The following CIITA variants were observed in gnomAD, a reference collection of about 807,000 sequenced individuals.
CIITA encodes class II major histocompatibility complex transactivator, also known as MHC class II transactivator.
CIITA carries 72 observed loss-of-function variants against 115.1 expected under a neutral mutation model. The observed-to-expected ratio is 0.63, with a 90% CI of 0.52 to 0.76. The LOEUF (loss-of-function observed/expected upper bound fraction) is 0.76, where lower values mean the gene tolerates loss of function less well. Among genes scored for constraint, CIITA ranks in the 30% least tolerant of loss-of-function variants. The probability of loss-of-function intolerance (pLI) is 0.00; values close to 1 mark genes in which losing one functional copy is unlikely to be tolerated. For synonymous variants in CIITA, 763 were observed against 635.6 expected (o/e 1.20, Z -3.02); for missense variants, 1,617 against 1,463.8 (o/e 1.10, Z -1.71).
intron 15 of CIITA, chr16:10,917,044 A>G: frequency 4.4e-6 from 1 of 229,296 alleles, no homozygotes. Flanking sequence ...AGAAAATTAT[A>G]CTGGGGGGTG....
chr16:10,941,482 GA>G lies in CIITA; in HGVS notation n.609del. 7.8e-7 allele frequency: 1 copy of G among 1,281,846 alleles called. No homozygotes were observed. Among genetic ancestry groups the G allele is most frequent in the Non-Finnish European group, 1.0e-6 (1 of 989,960 alleles). The allele number at this position is 1,281,846 out of a possible 1,614,324, so 79.4% of individuals were successfully genotyped here. ...AGGTGAACGGAGGAGAAGCCTGAGGGAGGGGTGTGTATCCGGCCTGGGAATT... is the reference window on the plus strand; with the variant it reads ...AGGTGAACGGAGGAGAAGCCTGAGGGGGGGTGTGTATCCGGCCTGGGAATT... On this transcript the variant is annotated non_coding_transcript_exon_variant, in exon 2 of 2. Transcript: ENST00000573379. This position sits in a 1 kb window ranked among gnomAD's most constrained non-coding sequence, Gnocchi z 6.4.
chr16:10,908,031 G>A lies in CIITA; in HGVS notation c.2539G>A (p.Val847Ile), dbSNP rs181710482. The A allele has an allele frequency of 5.0e-6, 8 of 1,612,332 alleles. No individual in the cohort carries two copies. Among genetic ancestry groups the A allele is most frequent in the Non-Finnish European group, 6.8e-6 (8 of 1,178,728 alleles). Reference sequence around the variant, plus strand: ...CCGCCTCACGCCTCCTGATGCACATGTACTGGGCAAGGCCTTGGAGGCGGC... The same window carrying A: ...CCGCCTCACGCCTCCTGATGCACATATACTGGGCAAGGCCTTGGAGGCGGC... ...GTRLTPPDAH[V>I]LGKALEAAGQ... The change falls in exon 11 of 20, where the codon GTA becomes ATA. Residue 847 changes from valine (V) to isoleucine (I), a missense_variant. Transcript: ENST00000324288.
chr16:10,883,112 T>C (rs1477871398), intron 1 of CIITA, among the ~76,000 whole-genome samples: 1 of 151,718 alleles, frequency 6.6e-6, no homozygotes, highest in Non-Finnish European at 1.5e-5. Context: ...CCCAGCAGAG[T>C]GCTGGCGGGG....
intron 1 of CIITA, among the ~76,000 whole-genome samples, chr16:10,885,915 C>G (rs1191177323): frequency 6.6e-6 from 1 of 152,160 alleles, no homozygotes; most frequent in Non-Finnish European, 1.5e-5. Context: ...CAGTGCAGCC[C>G]AGGTCATGGT....
At chr16:10,877,555 C>G (rs1021459974) in intron 1 of CIITA, among the ~76,000 whole-genome samples, 173 bp downstream of exon 1, 1 of 152,196 alleles carries the variant, frequency 6.6e-6, no homozygotes, top group Non-Finnish European at 1.5e-5. Context: ...CTATTTCCTT[C>G]CACCGGAGGG....
At chr16:10,875,437 T>C (rs2035764720), upstream of CIITA, among the ~76,000 whole-genome samples, 1 of 152,120 alleles carries the variant, frequency 6.6e-6, no homozygotes. Context: ...CATCCTCATT[T>C]CACACATGGG....
chr16:10,881,836 C>T (rs1268903074), intron 1 of CIITA, among the ~76,000 whole-genome samples: 1 of 152,148 alleles, frequency 6.6e-6, no homozygotes, highest in Admixed American at 6.5e-5. Context: ...TCCCCACTGC[C>T]CCTTCCACCC....
intron 1 of CIITA, among the ~76,000 whole-genome samples, chr16:10,882,600 G>A (rs2036538265): frequency 6.6e-6 from 1 of 151,834 alleles, no homozygotes; most frequent in Non-Finnish European, 1.5e-5. Context: ...ATAAATTTTT[G>A]AAAATACAGA....
In CIITA at chr16:10,907,200, T is replaced by C. The variant is rs759705626; in HGVS notation, c.1708T>C (p.Ser570Pro). ...CGCCCTATTTGAGCTGTCCGGCTTC[T>C]CCATGGAGCAGGCCCAGGCATACGT... ...ADALFELSGF[S>P]MEQAQAYVMR... is the part of the protein sequence containing the mutation. Residue 570 changes from serine to proline, a missense_variant, in exon 11 of 20, where the codon TCC (serine) becomes CCC (proline). By Grantham distance (74) the Ser-to-Pro change is moderately conservative (BLOSUM62 -1). Coordinates refer to ENST00000324288, the MANE Select transcript of CIITA (RefSeq NM_000246.4). The surrounding 1 kb of genome is among the most constrained non-coding windows in gnomAD (Gnocchi z 5.0). 2 of 1,613,156 alleles carry C rather than the reference T, an allele frequency of 1.2e-6. No individual in the cohort carries two copies. The highest frequency in any genetic ancestry group is 1.7e-6 in the Non-Finnish European group (2 of 1,179,882).
exon 1 of CIITA, chr16:10,866,309 TC>T (rs1475975140): frequency 1.8e-6 from 1 of 568,576 alleles, no homozygotes; most frequent in African/African-American, 1.9e-5. Context: ...TTCCAGGCCA[TC>T]CTGACTCAGG....
chr16:10,923,290 T>C lies in CIITA; in HGVS notation c.3380T>C (p.Ile1127Thr). The C allele has an allele frequency of 1.9e-6, 3 of 1,584,984 alleles. No homozygotes were observed. Among genetic ancestry groups the C allele is most frequent in the Non-Finnish European group, 2.6e-6 (3 of 1,163,912 alleles). Residue 1127 changes from isoleucine to threonine, a missense_variant, in exon 19 of 20, where the codon ATC becomes ACC. Ile to Thr is a moderately conservative substitution (Grantham distance 89). Coordinates refer to ENST00000324288, the MANE Select transcript of CIITA (RefSeq NM_000246.4). This position sits in a 1 kb window ranked among gnomAD's most constrained non-coding sequence, Gnocchi z 5.2. ...CACCTGCAACAACAGGATTCACGGA[T>C]CAGCCTGAGATGATCCCAGCTGTGC... ...QEHLQQQDSR[I>T]SLR
At chr16:10,921,119 C>T (rs965960873) in intron 16 of CIITA, among the ~76,000 whole-genome samples, 1 of 152,204 alleles carries the variant, frequency 6.6e-6, no homozygotes, top group African/African-American at 2.4e-5. Flanking sequence ...CCACCCGCCT[C>T]GGCCTCCAAA....
chr16:10,916,660 G>A, intron 15 of CIITA: 1 of 607,174 alleles, frequency 1.6e-6, no homozygotes, highest in Non-Finnish European at 3.0e-6. Flanking sequence ...CAAAGTGCTG[G>A]GATTATAGGT....
At chr16:10,878,769 T>G (rs1376408544) in intron 1 of CIITA, among the ~76,000 whole-genome samples, 1 of 152,136 alleles carries the variant, frequency 6.6e-6, no homozygotes, top group Non-Finnish European at 1.5e-5. Flanking sequence ...CTGGCCACTG[T>G]GAGGAACCGA....
At chr16:10,909,891 C>T (rs548591574) in intron 12 of CIITA, among the ~76,000 whole-genome samples, 1 of 152,156 alleles carries the variant, frequency 6.6e-6, no homozygotes, top group Non-Finnish European at 1.5e-5. Flanking sequence ...CACGTCATCA[C>T]ACCGGATGAT....
Position 10,901,527 on chromosome 16 carries a change from G to T in CIITA, c.450G>T (p.Glu150Asp), listed in dbSNP as rs763218055. 1.2e-6 allele frequency: 2 copies of T among 1,614,116 alleles called. No individual in the cohort carries two copies. Among genetic ancestry groups the T allele is most frequent in the Non-Finnish European group, 1.7e-6 (2 of 1,180,028 alleles). Residue 150 changes from glutamate (E) to aspartate (D), a missense_variant, in exon 6 of 20, where the codon GAG becomes GAT. Physicochemically the swap from Glu to Asp is conservative, Grantham distance 45. Coordinates refer to ENST00000324288, the MANE Select transcript of CIITA (RefSeq NM_000246.4). The surrounding 1 kb of genome is among the most constrained non-coding windows in gnomAD (Gnocchi z 6.8). Reference sequence around the variant, plus strand: ...TTTTCTCTGCAGCCTTCCCAGAGGAGCTTCCGGCAGACCTGAAGCACTGGA... The same window carrying T: ...TTTTCTCTGCAGCCTTCCCAGAGGATCTTCCGGCAGACCTGAAGCACTGGA... Reference protein sequence around the residue: ...QKSQKRPFPEELPADLKHWKP... With the variant: ...QKSQKRPFPEDLPADLKHWKP...
rs897560562 is a variant in CIITA at position 10,931,490 on chromosome 16, G to A, written c.*7635G>A. ...TTACTAACACTCCGGTTTTCATTGTGTTTATCTGTAGGGTTACCTTCTATT... is the reference window on the plus strand; with the variant it reads ...TTACTAACACTCCGGTTTTCATTGTATTTATCTGTAGGGTTACCTTCTATT... On this transcript the variant is annotated 3_prime_UTR_variant, in exon 20 of 20. Coordinates refer to ENST00000324288, the MANE Select transcript of CIITA (RefSeq NM_000246.4). 1 of 152,208 alleles carries A rather than the reference G, an allele frequency of 6.6e-6. No individual in the cohort carries two copies. Among genetic ancestry groups the A allele is most frequent in the African/African-American group, 2.4e-5 (1 of 41,470 alleles). The allele number at this position is 152,208 out of a possible 1,614,324, so 9.4% of individuals were successfully genotyped here.
chr16:10,887,392 C>T (rs975062739), intron 1 of CIITA, among the ~76,000 whole-genome samples: 22 of 152,186 alleles, frequency 1.4e-4, no homozygotes, highest in African/African-American at 5.1e-4. Flanking sequence ...AAAGGCAGAG[C>T]AGAAACTCAA....
chr16:10,895,884 A>AG (rs1473346031), intron 3 of CIITA, 120 bp downstream of exon 3: 84 of 985,882 alleles, frequency 8.5e-5, no homozygotes, highest in Non-Finnish European at 1.2e-4. Context: ...AATCATTGCA[A>AG]GGGGGATGCG....
Sources: allele counts gnomAD v4.1 joint callset (sites outside exome capture counted in the v4.1 genomes callset), GRCh38; gene constraint gnomAD v4.1.1; non-coding constraint Gnocchi (gnomAD v3.1); transcripts MANE v1.5; gene names NCBI Gene and HGNC (gene_info 2026-07-23, HGNC 2026-07-21).